The following MAP3K14 variants were observed in gnomAD, a reference collection of about 807,000 sequenced individuals.
The protein encoded by MAP3K14 is mitogen-activated protein kinase kinase kinase 14.
Under a neutral mutation model 99.2 loss-of-function variants are expected in MAP3K14, and 16 were observed. The observed-to-expected ratio is 0.16, with a 90% CI of 0.11 to 0.24. The LOEUF is 0.24. MAP3K14 is among the 10% of genes least tolerant of loss of function. The pLI, the probability that MAP3K14 is intolerant of heterozygous loss-of-function variation, is 1.00. For synonymous variants in MAP3K14, 462 were observed against 492.4 expected (o/e 0.94, Z 0.82); for missense variants, 784 against 1,208.7 (o/e 0.65, Z 5.21).
intron 10 of MAP3K14, 132 bp from the exon 11 acceptor site, chr17:45,270,695 G>T: frequency 7.8e-7 from 1 of 1,287,692 alleles, no homozygotes; most frequent in South Asian, 1.6e-5. Flanking sequence ...GAATGGAGGG[G>T]TCTGGGCTAC....
rs1281569245 is a variant in MAP3K14, at chr17:45,264,681, G to C, written c.2799C>G (p.Ala933=). ...QCTLAPDGSF[A]WSWRVKHGQL... The stretch of plus-strand genomic sequence containing the variant: ...GGCCATGCTTGACCCTCCAGCTCCA[G>C]GCGAAGCTGCCATCAGGGGCCAGTG... Residue 933 remains alanine (A), a synonymous_variant, in exon 16 of 16, where the codon GCC becomes GCG. Transcript: ENST00000344686. 6.2e-7 allele frequency: 1 copy of C among 1,601,114 alleles called. No homozygotes were observed.
Position 45,264,596 on chromosome 17 carries a change from G to C in MAP3K14, c.*40C>G. 1.3e-6 allele frequency: 2 copies of C among 1,530,824 alleles called. No homozygotes were observed. 94.8% of individuals were successfully genotyped at this position (1,530,824 alleles called of 1,614,324 possible). ...GCAGCATCGTGCACCGAGCAGGAAG[G>C]CTGCTTCCGGCAGTGTGGAGCCGGC... On this transcript the variant is annotated 3_prime_UTR_variant, in exon 16 of 16. Coordinates refer to ENST00000344686, the MANE Select transcript of MAP3K14 (RefSeq NM_003954.5).
intron 10 of MAP3K14, 61 bp downstream of exon 10, chr17:45,270,997 C>G: frequency 1.3e-6 from 2 of 1,571,404 alleles, no homozygotes; most frequent in Non-Finnish European, 1.7e-6. Context: ...CTCCAGCCTG[C>G]AGCCTGGGCC....
intron 1 of MAP3K14, among the ~76,000 whole-genome samples, chr17:45,295,146 A>G (rs1168421783): frequency 6.6e-6 from 1 of 152,204 alleles, no homozygotes; most frequent in Non-Finnish European, 1.5e-5. Flanking sequence ...TATTTCATTC[A>G]GTTCCCTGTT....
At position 45,295,768 on chromosome 17, in the gene MAP3K14, G is replaced by T. The variant is rs866423178; in HGVS notation, c.-20-5003C>A. 7.9e-5 allele frequency among the ~76,000 whole-genome samples: 12 copies of T among 152,212 alleles called. 1 individual carries two copies. The South Asian group carries it at 1.7e-3, about 21-fold the overall frequency. On this transcript the variant is annotated intron_variant, in intron 1 of 15. Transcript: ENST00000344686. ...TTCAGAGCTGTTTTGAAGACCGAATGAAGACGAGTACATGAAATGCCAATC... is the reference window on the plus strand; with the variant it reads ...TTCAGAGCTGTTTTGAAGACCGAATTAAGACGAGTACATGAAATGCCAATC...
chr17:45,296,068 T>C (rs1269697766), intron 1 of MAP3K14, among the ~76,000 whole-genome samples: 1 of 152,214 alleles, frequency 6.6e-6, no homozygotes, highest in African/African-American at 2.4e-5. Context: ...AAGTAAAAAC[T>C]TGTCCTTCTC....
At chr17:45,273,365 A>T (rs368787927) in intron 9 of MAP3K14, 138 bp downstream of exon 9, 58 of 645,170 alleles carry the variant, frequency 9.0e-5, no homozygotes, top group South Asian at 3.9e-4. Context: ...AACCCCTGAT[A>T]ATCATCCAGG....
Position 45,301,833 on chromosome 17 carries a change from C to CT in MAP3K14, c.-20-11069dup, listed in dbSNP as rs34664244. Among the ~76,000 whole-genome samples the CT allele has an allele frequency of 3.8e-3, 504 of 134,276 alleles. 3 individuals carry two copies. The highest frequency in any genetic ancestry group is 7.7e-3 in the East Asian group (37 of 4,800). 88.1% of individuals were successfully genotyped at this position (134,276 alleles called of 152,430 possible). ...AGCACATATTAGTTTTCTCAGTTCT[C>CT]TTTTTTTTTTTTTTTTTGAGATGCA... is the stretch of plus-strand genomic sequence containing the variant. On this transcript the variant is annotated intron_variant, in intron 1 of 15. Coordinates refer to ENST00000344686, the MANE Select transcript of MAP3K14 (RefSeq NM_003954.5).
Position 45,293,590 on chromosome 17 carries a change from C to T in MAP3K14, c.-20-2825G>A, listed in dbSNP as rs557528922. On this transcript the variant is annotated intron_variant, in intron 1 of 15. Coordinates refer to ENST00000344686, the MANE Select transcript of MAP3K14 (RefSeq NM_003954.5). ...GGAGGCTGTTGAGAAGCTGACCCAG[C>T]AGATGGCAGCTGAACTTGTGAAGGA... Among the ~76,000 whole-genome samples the T allele has an allele frequency of 2.0e-5, 3 of 152,326 alleles. 1 individual carries two copies. The East Asian group carries it at 5.8e-4, about 29-fold the overall frequency.
At position 45,269,979 on chromosome 17, in the gene MAP3K14, C is replaced by T. The variant is rs62064588; in HGVS notation, c.1972+434G>A. Among the ~76,000 whole-genome samples, 439 of 152,172 alleles carry T rather than the reference C, an allele frequency of 2.9e-3. 1 individual carries two copies. Among genetic ancestry groups the T allele is most frequent in the Non-Finnish European group, 4.7e-3 (321 of 68,000 alleles). ...CTGAGACTGGCATGGCTAGGGGGTG[C>T]AGTCTTGGGGATCGAGCCCTCCTGC... is the stretch of plus-strand genomic sequence containing the variant. On this transcript the variant is annotated intron_variant, in intron 11 of 15. Transcript: ENST00000344686.
At chr17:45,269,641 A>G (rs1037797144) in intron 11 of MAP3K14, among the ~76,000 whole-genome samples, 2 of 152,138 alleles carry the variant, frequency 1.3e-5, no homozygotes, top group Non-Finnish European at 1.5e-5. Flanking sequence ...GATTTATTCA[A>G]TCATGCCTAC....
intron 6 of MAP3K14, among the ~76,000 whole-genome samples, chr17:45,283,627 G>A (rs3785804): frequency 0.15 from 22,687 of 152,134 alleles, 1,771 homozygotes; most frequent in African/African-American, 0.2. Context: ...TTGTGCTCTG[G>A]CTACAGTGAG....
chr17:45,312,850 A>G (rs2044493228), intron 1 of MAP3K14, among the ~76,000 whole-genome samples: 1 of 152,136 alleles, frequency 6.6e-6, no homozygotes, highest in Non-Finnish European at 1.5e-5. Flanking sequence ...GGTAGTGGGA[A>G]CCTCATCCCA....
chr17:45,277,764 TC>T (rs1466849344), intron 6 of MAP3K14, among the ~76,000 whole-genome samples: 1 of 152,196 alleles, frequency 6.6e-6, no homozygotes, highest in Non-Finnish European at 1.5e-5. Flanking sequence ...AACTACTCGC[TC>T]GAGACAGTTC....
chr17:45,300,240 T>G (rs965853737), intron 1 of MAP3K14, among the ~76,000 whole-genome samples: 1 of 152,226 alleles, frequency 6.6e-6, no homozygotes, highest in African/African-American at 2.4e-5. Context: ...CTACTGTCTA[T>G]AAGGCCCCTT....
chr17:45,300,274 G>A (rs566564624), intron 1 of MAP3K14, among the ~76,000 whole-genome samples: 6 of 152,210 alleles, frequency 3.9e-5, no homozygotes, highest in African/African-American at 1.4e-4. Context: ...CAATTCCCTC[G>A]CATCTATTCT....
At chr17:45,275,972 A>T (rs1320955778) in intron 6 of MAP3K14, among the ~76,000 whole-genome samples, 1 of 152,102 alleles carries the variant, frequency 6.6e-6, no homozygotes, top group African/African-American at 2.4e-5. Flanking sequence ...CATGCTGGCC[A>T]GGCTGGTCTC....
intron 1 of MAP3K14, among the ~76,000 whole-genome samples, chr17:45,308,671 C>CTT (rs904247220): frequency 4.3e-5 from 6 of 138,494 alleles, no homozygotes; most frequent in African/African-American, 1.1e-4. Context: ...CCCAGCTAAT[C>CTT]TTTTTTTTTT....
At chr17:45,283,697 G>A (rs2044241090) in intron 6 of MAP3K14, among the ~76,000 whole-genome samples, 1 of 152,170 alleles carries the variant, frequency 6.6e-6, no homozygotes, top group African/African-American at 2.4e-5. Flanking sequence ...TTCAGATTTT[G>A]GGTTTTCAGA....
Sources: gnomAD v4.1 joint callset for allele counts (sites outside exome capture counted in the v4.1 genomes callset) on GRCh38, gnomAD v4.1.1 for gene constraint, MANE v1.5 for transcripts, NCBI Gene and HGNC (gene_info 2026-07-23, HGNC 2026-07-21) for gene names.